The following PRKCB variants were observed in gnomAD, a reference collection of about 807,000 sequenced individuals.
PRKCB encodes the protein protein kinase C beta, also known as protein kinase C beta type.
A neutral mutation model predicts 81.5 loss-of-function variants in PRKCB; 13 were observed. The ratio of observed to expected loss-of-function variants is 0.16; its 90% CI spans 0.10 to 0.25. The LOEUF is 0.25. PRKCB is among the 10% of genes least tolerant of loss of function. The probability of loss-of-function intolerance (pLI) is 1.00; values close to 1 mark genes in which losing one functional copy is unlikely to be tolerated. For synonymous variants in PRKCB, 335 were observed against 321.4 expected (o/e 1.04, Z -0.45); for missense variants, 509 against 875.7 (o/e 0.58, Z 5.29).
At chr16:24,145,868 A>G (rs1340637876) in intron 9 of PRKCB, among the ~76,000 whole-genome samples, 1 of 152,242 alleles carries the variant, frequency 6.6e-6, no homozygotes. Flanking sequence ...TGTAATGGGT[A>G]GAATTGTGTC....
intron 7 of PRKCB, among the ~76,000 whole-genome samples, chr16:24,103,519 CGTAGA>C (rs913049771): frequency 6.6e-6 from 1 of 152,120 alleles, no homozygotes; most frequent in African/African-American, 2.4e-5. Context: ...ATTAGCTATT[CGTAGA>C]GTATACTTTT....
chr16:24,160,126 G>A lies in PRKCB; in HGVS notation c.1239+5269G>A, dbSNP rs1875119899. Reference sequence around the variant, plus strand: ...CCCCCAGAAAGATGAAATGGCTCAAGTTCCACAATCAGTAAGTGGCAGTTC... The same window carrying A: ...CCCCCAGAAAGATGAAATGGCTCAAATTCCACAATCAGTAAGTGGCAGTTC... On this transcript the variant is annotated intron_variant, in intron 10 of 16. Transcript: ENST00000643927. Among the ~76,000 whole-genome samples the A allele has an allele frequency of 5.3e-5, 8 of 150,728 alleles. No homozygotes were observed. In the South Asian group the frequency reaches 1.7e-3, roughly 32 times the overall value.
chr16:24,095,484 GAA>G (rs544771638), intron 7 of PRKCB, among the ~76,000 whole-genome samples: 1 of 152,178 alleles, frequency 6.6e-6, no homozygotes, highest in Non-Finnish European at 1.5e-5. Context: ...GCAAAAGCCT[GAA>G]AAGACATCTC....
chr16:23,848,812 A>G (rs944429158), intron 2 of PRKCB, among the ~76,000 whole-genome samples: 1 of 152,210 alleles, frequency 6.6e-6, no homozygotes. Context: ...CTTTATGTGA[A>G]GTGTTTCTTA....
chr16:23,966,117 C>A (rs75832524), intron 2 of PRKCB, among the ~76,000 whole-genome samples: 5 of 152,338 alleles, frequency 3.3e-5, no homozygotes, highest in African/African-American at 9.6e-5. Context: ...TCTCATGGAA[C>A]GTCTGCGCAA....
At chr16:23,883,158 T>G (rs1963150321) in intron 2 of PRKCB, among the ~76,000 whole-genome samples, 1 of 151,838 alleles carries the variant, frequency 6.6e-6, no homozygotes, top group African/African-American at 2.4e-5. Context: ...GTAAGCAAAT[T>G]GAAAAAAACA....
chr16:23,953,879 G>A (rs1173609277), intron 2 of PRKCB, among the ~76,000 whole-genome samples: 1 of 110,890 alleles, frequency 9.0e-6, no homozygotes, highest in Non-Finnish European at 1.8e-5. Flanking sequence ...TTACAGGGAA[G>A]GCATCCATCT....
chr16:24,124,109 A>C, intron 9 of PRKCB, 128 bp downstream of exon 9: 1 of 1,090,164 alleles, frequency 9.2e-7, no homozygotes, highest in Non-Finnish European at 1.3e-6. Flanking sequence ...GCCACACTAC[A>C]CTTTGTAATG....
chr16:24,145,455 G>A (rs567395571), intron 9 of PRKCB, among the ~76,000 whole-genome samples: 4 of 152,276 alleles, frequency 2.6e-5, no homozygotes, highest in Admixed American at 1.3e-4. Flanking sequence ...TTATGAGAGC[G>A]AGAAGAGGGG....
chr16:23,932,863 A>G (rs377248936), intron 2 of PRKCB, among the ~76,000 whole-genome samples: 5 of 152,108 alleles, frequency 3.3e-5, no homozygotes, highest in South Asian at 4.2e-4. Context: ...AATCTTAAGT[A>G]CTCTGAGAAA....
At chr16:24,204,129 T>C (rs8060773) in intron 16 of PRKCB, among the ~76,000 whole-genome samples, 40,260 of 151,884 alleles carry the variant, frequency 0.27, 6,740 homozygotes, top group African/African-American at 0.47. Context: ...CCCTCAGCAG[T>C]AACCACCAGC....
intron 2 of PRKCB, among the ~76,000 whole-genome samples, chr16:23,969,848 CAGGG>C (rs1964533640): frequency 6.6e-6 from 1 of 152,098 alleles, no homozygotes; most frequent in South Asian, 2.1e-4. Context: ...TATGATATTT[CAGGG>C]AGTGATTGAT....
At chr16:23,889,156 AT>A (rs1963251458) in intron 2 of PRKCB, among the ~76,000 whole-genome samples, 1 of 140,012 alleles carries the variant, frequency 7.1e-6, no homozygotes, top group Non-Finnish European at 1.5e-5. Context: ...CCATCCATCC[AT>A]CCATCCATCC....
rs1555478120 is a variant in PRKCB, at chr16:23,847,471, T to TCCATCCATCCATCCAC, written c.205+10072_205+10073insTCCATCCACCCATCCA. Among the ~76,000 whole-genome samples, 74 of 141,910 alleles carry TCCATCCATCCATCCAC rather than the reference T, an allele frequency of 5.2e-4. 1 individual carries two copies. The highest frequency in any genetic ancestry group is 1.3e-3 in the African/African-American group (51 of 38,976). 93.1% of individuals were successfully genotyped at this position (141,910 alleles called of 152,430 possible). A position where few individuals can be genotyped will look rare whatever the true frequency, so the allele number is the denominator to read the frequency against. On this transcript the variant is annotated intron_variant, in intron 2 of 16. Transcript: ENST00000643927. The stretch of plus-strand genomic sequence containing the variant: ...ATCCATCCATCCATCCATCCATCCA[T>TCCATCCATCCATCCAC]CCATCCACCCAGCTATTCTTCCATT...
chr16:23,959,944 C>T (rs1018301553), intron 2 of PRKCB, among the ~76,000 whole-genome samples: 4 of 152,126 alleles, frequency 2.6e-5, no homozygotes, highest in Admixed American at 1.3e-4. Flanking sequence ...TGCTGTGTCC[C>T]CTCACCCTTC....
chr16:24,082,509 A>G (rs1966262573), intron 5 of PRKCB, among the ~76,000 whole-genome samples: 1 of 152,236 alleles, frequency 6.6e-6, no homozygotes. Context: ...GACAGGATAG[A>G]TACACAAGCC....
chr16:23,986,947 A>C (rs1203558616), intron 2 of PRKCB, among the ~76,000 whole-genome samples: 1 of 152,220 alleles, frequency 6.6e-6, no homozygotes, highest in East Asian at 1.9e-4. Context: ...GTATCCTCAA[A>C]GATAAGGATT....
At chr16:23,948,874 T>C (rs906473297) in intron 2 of PRKCB, among the ~76,000 whole-genome samples, 1 of 152,172 alleles carries the variant, frequency 6.6e-6, no homozygotes, top group African/African-American at 2.4e-5. Context: ...GCACACATTC[T>C]TAACCACCAT....
At chr16:23,985,629 A>G (rs1005384513) in intron 2 of PRKCB, among the ~76,000 whole-genome samples, 2 of 152,244 alleles carry the variant, frequency 1.3e-5, no homozygotes, top group Admixed American at 6.5e-5. Context: ...CACAATTTCA[A>G]TCAAAGTCCC....
Sources: gnomAD v4.1 joint callset for allele counts (sites outside exome capture counted in the v4.1 genomes callset) on GRCh38, gnomAD v4.1.1 for gene constraint, MANE v1.5 for transcripts, NCBI Gene and HGNC (gene_info 2026-07-23, HGNC 2026-07-21) for gene names.